The following NPAS2 variants were observed in gnomAD, a reference collection of about 807,000 sequenced individuals.
NPAS2 encodes neuronal PAS domain protein 2.
Under a neutral mutation model 107.5 loss-of-function variants are expected in NPAS2, and 23 were observed. That is an observed-to-expected ratio of 0.21 (90% CI 0.15 to 0.30). The LOEUF (loss-of-function observed/expected upper bound fraction) is 0.30, where lower values mean the gene tolerates loss of function less well. NPAS2 is among the 10% of genes least tolerant of loss of function. NPAS2 has a pLI of 1.00. For missense variants in NPAS2, 756 were observed against 1,043.3 expected, an observed-to-expected ratio of 0.72 and a Z score of 3.79; for synonymous variants, 403 against 417.5, an observed-to-expected ratio of 0.97 and a Z score of 0.42.
chr2:100,939,238 G>A (rs989828213), intron 5 of NPAS2, among the ~76,000 whole-genome samples: 1 of 152,176 alleles, frequency 6.6e-6, no homozygotes, highest in Non-Finnish European at 1.5e-5. Flanking sequence ...TTCGCTGAGC[G>A]GTGGCCCACA....
At chr2:100,866,790 TCAA>T (rs1399649986) in intron 1 of NPAS2, among the ~76,000 whole-genome samples, 2 of 152,210 alleles carry the variant, frequency 1.3e-5, no homozygotes, top group African/African-American at 4.8e-5. Context: ...AAGTAACAAA[TCAA>T]CATTCTCCAA....
intron 1 of NPAS2, among the ~76,000 whole-genome samples, chr2:100,847,963 A>G (rs72816924): frequency 0.023 from 3,428 of 152,306 alleles, 59 homozygotes; most frequent in Middle Eastern, 0.048. Context: ...CACTGTGAAT[A>G]TATGTCTTTC....
chr2:100,929,493 A>C (rs547711226), intron 3 of NPAS2, among the ~76,000 whole-genome samples: 2 of 152,316 alleles, frequency 1.3e-5, no homozygotes, highest in South Asian at 4.1e-4. Context: ...GCTTTTGAAA[A>C]ATACATATTA....
At position 100,930,923 on chromosome 2, in the gene NPAS2, G is replaced by T. The variant is rs1490558662; in HGVS notation, c.182-1987G>T. Among the ~76,000 whole-genome samples, 5 of 152,184 alleles carry T rather than the reference G, an allele frequency of 3.3e-5. 1 individual carries two copies. The South Asian group carries it at 1.0e-3, about 32-fold the overall frequency. On this transcript the variant is annotated intron_variant, in intron 3 of 20. Coordinates refer to ENST00000335681, the MANE Select transcript of NPAS2 (RefSeq NM_002518.4). ...GTGGTCAAAAGAGTCTCACAGATGAGTGTGCATATTGGGGAGAAGAGGAAA... is the reference window on the plus strand; with the variant it reads ...GTGGTCAAAAGAGTCTCACAGATGATTGTGCATATTGGGGAGAAGAGGAAA...
chr2:100,926,396 A>T (rs1048041724), intron 3 of NPAS2, among the ~76,000 whole-genome samples: 5 of 152,222 alleles, frequency 3.3e-5, no homozygotes, highest in Admixed American at 2.6e-4. Context: ...CCCAGCAGCA[A>T]TGTATGAGGG....
chr2:100,879,327 T>C (rs187887481), intron 1 of NPAS2, among the ~76,000 whole-genome samples: 1 of 152,310 alleles, frequency 6.6e-6, no homozygotes, highest in Admixed American at 6.5e-5. Flanking sequence ...TCCATCATGT[T>C]ACAGTTACTT....
At chr2:100,908,604 A>G (rs1437992438) in intron 2 of NPAS2, among the ~76,000 whole-genome samples, 1 of 152,192 alleles carries the variant, frequency 6.6e-6, no homozygotes, top group Non-Finnish European at 1.5e-5. Context: ...TTCCAAAGAA[A>G]GCAATTATCT....
intron 15 of NPAS2, among the ~76,000 whole-genome samples, chr2:100,980,055 C>T (rs1305945883): frequency 2.0e-5 from 3 of 152,336 alleles, no homozygotes; most frequent in Non-Finnish European, 2.9e-5. Flanking sequence ...TTTCTTCATA[C>T]TATGGTTCTA....
At chr2:100,896,216 A>AG (rs1453147070) in intron 1 of NPAS2, among the ~76,000 whole-genome samples, 9 of 152,174 alleles carry the variant, frequency 5.9e-5, no homozygotes, top group African/African-American at 2.2e-4. Flanking sequence ...GTTAGGAATG[A>AG]GGGGAACGGG....
chr2:100,990,002 A>G (rs989998730), intron 17 of NPAS2: 2 of 483,536 alleles, frequency 4.1e-6, no homozygotes, highest in African/African-American at 1.9e-5. Context: ...GTAGAATTTG[A>G]AGCAGAAAGT....
chr2:100,871,965 TAC>T (rs1391414836), intron 1 of NPAS2, among the ~76,000 whole-genome samples: 2 of 152,190 alleles, frequency 1.3e-5, no homozygotes, highest in African/African-American at 4.8e-5. Context: ...TCCATCCATT[TAC>T]ACATTCAGTC....
At chr2:100,925,913 AC>A (rs1683531720) in intron 3 of NPAS2, among the ~76,000 whole-genome samples, 1 of 152,036 alleles carries the variant, frequency 6.6e-6, no homozygotes, top group African/African-American at 2.4e-5. Context: ...CAAAAAAGAA[AC>A]CCTGTATCCA....
chr2:100,914,026 A>C (rs956512548), intron 2 of NPAS2, among the ~76,000 whole-genome samples: 14 of 152,214 alleles, frequency 9.2e-5, no homozygotes, highest in African/African-American at 3.4e-4. Context: ...CTAAGTGTGC[A>C]CACCTGTATC....
intron 1 of NPAS2, chr2:100,878,117 A>G (rs1404848705): frequency 1.0e-6 from 1 of 985,318 alleles, no homozygotes; most frequent in Non-Finnish European, 1.2e-6. Flanking sequence ...GTTGTTTGGC[A>G]GCAGCTGAGA....
At chr2:100,967,852 G>A (rs77665571) in intron 10 of NPAS2, among the ~76,000 whole-genome samples, 3,550 of 152,308 alleles carry the variant, frequency 0.023, 136 homozygotes, top group African/African-American at 0.079. Flanking sequence ...CTGACTGGCA[G>A]CCACAGAATC....
At chr2:100,986,860 A>G (rs1677809693) in intron 16 of NPAS2, 1 of 152,246 alleles carries the variant, frequency 6.6e-6, no homozygotes, top group African/African-American at 2.4e-5. Context: ...GAATCTTTCA[A>G]GCATTTTATG....
intron 2 of NPAS2, among the ~76,000 whole-genome samples, chr2:100,916,418 A>C (rs899984490): frequency 1.3e-5 from 2 of 152,202 alleles, no homozygotes; most frequent in Non-Finnish European, 2.9e-5. Context: ...AAAATGATAT[A>C]CCAAACAAAC....
Position 100,995,430 on chromosome 2 carries a change from C to T in NPAS2, c.2323C>T (p.Gln775Ter). ...VQAPTSLHSEQQDSLLLSTYS... is the reference protein window; with the variant it reads ...VQAPTSLHSE ...GGCACCAACCTCTTTGCACAGTGAG[C>T]AGCAGGACTCGCTACTTCTCTCCAC... The change falls in exon 21 of 21, where the codon CAG becomes TAG. Residue 775 changes from glutamine (Q) to a stop codon, truncating the protein, a stop_gained. Transcript: ENST00000335681. LOFTEE classifies it high-confidence loss of function. 1 of 1,613,860 alleles carries T rather than the reference C, an allele frequency of 6.2e-7. No homozygotes were observed. Among genetic ancestry groups the T allele is most frequent in the Non-Finnish European group, 8.5e-7 (1 of 1,179,872 alleles).
At chr2:100,905,914 C>G (rs1462632287) in intron 2 of NPAS2, among the ~76,000 whole-genome samples, 4 of 152,116 alleles carry the variant, frequency 2.6e-5, no homozygotes, top group Non-Finnish European at 5.9e-5. Context: ...CCTGGCCACC[C>G]CCAGACCTGC....
Sources: gnomAD v4.1 joint callset for allele counts (sites outside exome capture counted in the v4.1 genomes callset) on GRCh38, gnomAD v4.1.1 for gene constraint, MANE v1.5 for transcripts, NCBI Gene and HGNC (gene_info 2026-07-23, HGNC 2026-07-21) for gene names.